Variants in SULT1B1 observed in about 807,000 individuals in gnomAD.
SULT1B1 encodes the protein sulfotransferase family 1B member 1.
SULT1B1 carries 28 observed loss-of-function variants against 34.6 expected under a neutral mutation model. That is an observed-to-expected ratio of 0.81 (90% confidence interval 0.60 to 1.11). The LOEUF is 1.11. Ranked by LOEUF, SULT1B1 falls within the 50% of genes least tolerant of loss-of-function variation. The pLI is 0.00. For missense variants in SULT1B1, 374 were observed against 352.2 expected, an observed-to-expected ratio of 1.06 and a Z score of -0.50; for synonymous variants, 147 against 110.2, an observed-to-expected ratio of 1.33 and a Z score of -2.09.
intron 4 of SULT1B1, among the ~76,000 whole-genome samples, chr4:69,739,783 T>C (rs1718469225): frequency 6.6e-6 from 1 of 152,234 alleles, no homozygotes; most frequent in African/African-American, 2.4e-5. Flanking sequence ...CCAACTTTTA[T>C]GCTCTGCTTT....
rs1218993164 is a variant in SULT1B1, at chr4:69,727,196, C to T, written c.783G>A (p.Thr261=). ...HSKSPFMRKG[T]AGDWKNYFTV... ...TGAAGTAATTCTTCCAGTCACCAGC[C>T]GTCCCTAAAGGTAAATAAAAAAACA... The change falls in exon 8 of 8, where the codon ACG becomes ACA. Residue 261 remains threonine (T), a synonymous_variant. Coordinates refer to ENST00000310613, the MANE Select transcript of SULT1B1 (RefSeq NM_014465.4). The T allele has an allele frequency of 2.4e-5, 38 of 1,608,006 alleles. No homozygotes were observed. In the Admixed American group the frequency reaches 5.2e-4, roughly 22 times the overall value.
At chr4:69,736,608 A>T (rs1560523393) in intron 4 of SULT1B1, among the ~76,000 whole-genome samples, 18 of 152,228 alleles carry the variant, frequency 1.2e-4, no homozygotes, top group Non-Finnish European at 2.6e-4. Context: ...TTGAAAAAAA[A>T]TTTAAAATAA....
At chr4:69,755,308 T>G (rs1338939274) in intron 1 of SULT1B1, 47 bp from the exon 2 acceptor site, 1 of 1,449,606 alleles carries the variant, frequency 6.9e-7, no homozygotes, top group Non-Finnish European at 9.5e-7. Context: ...TAACTAATGT[T>G]GGTCTTAAGA....
At chr4:69,742,433 G>T (rs533870033) in intron 4 of SULT1B1, among the ~76,000 whole-genome samples, 1 of 152,320 alleles carries the variant, frequency 6.6e-6, no homozygotes, top group South Asian at 2.1e-4. Context: ...AATAATTTTA[G>T]TAGGATTGGT....
chr4:69,739,189 C>T (rs1331911869), intron 4 of SULT1B1, among the ~76,000 whole-genome samples: 2 of 152,192 alleles, frequency 1.3e-5, no homozygotes, highest in East Asian at 3.9e-4. Context: ...GCCCTCTTCT[C>T]ACAGCTCCAC....
chr4:69,755,903 T>G (rs996938769), intron 1 of SULT1B1, among the ~76,000 whole-genome samples: 1 of 152,194 alleles, frequency 6.6e-6, no homozygotes, highest in African/African-American at 2.4e-5. Context: ...CTTCTGAGAC[T>G]ATAATTACAT....
chr4:69,733,534 A>G, intron 5 of SULT1B1, 27 bp from the exon 6 acceptor site: 3 of 1,468,842 alleles, frequency 2.0e-6, no homozygotes, highest in Middle Eastern at 1.8e-4. Flanking sequence ...GTCTATTTTC[A>G]TAAACATTCA....
At chr4:69,746,818 G>A (rs1718766355) in intron 4 of SULT1B1, among the ~76,000 whole-genome samples, 1 of 152,144 alleles carries the variant, frequency 6.6e-6, no homozygotes, top group South Asian at 2.1e-4. Flanking sequence ...TCTCATCTGT[G>A]GCAGCTAATG....
chr4:69,755,578 C>G (rs1053346673), intron 1 of SULT1B1, among the ~76,000 whole-genome samples: 6 of 152,156 alleles, frequency 3.9e-5, no homozygotes, highest in Non-Finnish European at 8.8e-5. Flanking sequence ...CAAAATAAAT[C>G]CACTGCTCAT....
At position 69,755,092 on chromosome 4, in the gene SULT1B1, C is replaced by G; in HGVS notation, c.126G>C (p.Val42=). 1 of 1,613,580 alleles carries G rather than the reference C, an allele frequency of 6.2e-7. No homozygotes were observed. Reference sequence around the variant, plus strand: ...CACCTGATTTAGGATAAGTGGCTATCACAATGTCATCTGGTCTGCTATGGA... The same window carrying G: ...CACCTGATTTAGGATAAGTGGCTATGACAATGTCATCTGGTCTGCTATGGA... The part of the protein sequence containing the change: ...EQFHSRPDDI[V]IATYPKSGTT... The change falls in exon 2 of 8, where the codon GTG becomes GTC. Residue 42 remains valine, a synonymous_variant. Coordinates refer to ENST00000310613, the MANE Select transcript of SULT1B1 (RefSeq NM_014465.4).
chr4:69,735,834 G>A (rs2110020349), intron 4 of SULT1B1, among the ~76,000 whole-genome samples: 1 of 152,206 alleles, frequency 6.6e-6, no homozygotes, highest in East Asian at 1.9e-4. Context: ...ACCTCAAAAG[G>A]AATATCAAAT....
chr4:69,740,512 C>A (rs1038033971), intron 4 of SULT1B1, among the ~76,000 whole-genome samples: 1 of 152,100 alleles, frequency 6.6e-6, no homozygotes, highest in Admixed American at 6.5e-5. Flanking sequence ...CTGGTCCTGC[C>A]CTTGTCACAT....
intron 7 of SULT1B1, among the ~76,000 whole-genome samples, chr4:69,728,032 T>C (rs1353260464): frequency 1.3e-5 from 2 of 152,010 alleles, no homozygotes; most frequent in Non-Finnish European, 2.9e-5. Flanking sequence ...AACATTCCTA[T>C]AGATATGCTT....
At chr4:69,760,037 C>A (rs1466609709) in intron 1 of SULT1B1, among the ~76,000 whole-genome samples, 1 of 152,210 alleles carries the variant, frequency 6.6e-6, no homozygotes, top group Non-Finnish European at 1.5e-5. Flanking sequence ...CACATCAAAT[C>A]AAGCTACTTA....
At chr4:69,754,637 AC>A in intron 3 of SULT1B1, 32 bp downstream of exon 3, 1 of 1,601,972 alleles carries the variant, frequency 6.2e-7, no homozygotes, top group Non-Finnish European at 8.5e-7. Flanking sequence ...AAATAATATT[AC>A]AAAATAATAA....
At chr4:69,742,641 T>C (rs1175115414) in intron 4 of SULT1B1, among the ~76,000 whole-genome samples, 1 of 152,228 alleles carries the variant, frequency 6.6e-6, no homozygotes, top group Non-Finnish European at 1.5e-5. Context: ...CGGAAACCTC[T>C]GTGGCCAGTG....
chr4:69,738,093 C>A (rs1406637138), intron 4 of SULT1B1, among the ~76,000 whole-genome samples: 1 of 152,138 alleles, frequency 6.6e-6, no homozygotes, highest in Non-Finnish European at 1.5e-5. Flanking sequence ...ACCTTCCATG[C>A]ATAAGTGAGA....
chr4:69,755,175 C>T lies in SULT1B1; in HGVS notation c.43G>A (p.Val15Ile). 1.9e-6 allele frequency: 3 copies of T among 1,613,832 alleles called. No individual in the cohort carries two copies. The highest frequency in any genetic ancestry group is 2.5e-6 in the Non-Finnish European group (3 of 1,179,782). The change falls in exon 2 of 8, where the codon GTC becomes ATC. Residue 15 changes from valine to isoleucine, a missense_variant. Transcript: ENST00000310613. ...GCACAGGTCATGGGATAACCATGGA[C>T]CAACTTCAGATCTTTTCGCAGAATA... ...KDILRKDLKL[V>I]HGYPMTCAFA...
At chr4:69,750,131 C>T (rs998953072) in intron 3 of SULT1B1, among the ~76,000 whole-genome samples, 3 of 152,236 alleles carry the variant, frequency 2.0e-5, no homozygotes, top group East Asian at 3.9e-4. Flanking sequence ...ATAATACCCT[C>T]TTTAATAATT....
Sources: allele counts gnomAD v4.1 joint callset (sites outside exome capture counted in the v4.1 genomes callset), GRCh38; gene constraint gnomAD v4.1.1; transcripts MANE v1.5; gene names NCBI Gene and HGNC (gene_info 2026-07-23, HGNC 2026-07-21).